DLG5: variants seen among roughly 807,000 people sequenced by gnomAD.
The protein encoded by DLG5 is disks large homolog 5.
DLG5 carries 48 observed loss-of-function variants against 189.8 expected under a neutral mutation model. That is an observed-to-expected ratio of 0.25 (90% CI 0.20 to 0.32). The LOEUF is 0.32. Among genes scored for constraint, DLG5 ranks in the 10% least tolerant of loss-of-function variants. The pLI is 1.00. For synonymous variants in DLG5, 1,016 were observed against 1,054.1 expected, an observed-to-expected ratio of 0.96 and a Z score of 0.70; for missense variants, 2,160 against 2,544.7, an observed-to-expected ratio of 0.85 and a Z score of 3.25.
chr10:77,925,144 A>G (rs577442356), intron 1 of DLG5, among the ~76,000 whole-genome samples: 20 of 152,336 alleles, frequency 1.3e-4, no homozygotes, highest in African/African-American at 4.8e-4. Context: ...AACAAGTTAA[A>G]TCAAACAATA....
chr10:77,856,659 G>A (rs963337630), intron 3 of DLG5, 71 bp downstream of exon 3: 78 of 1,566,416 alleles, frequency 5.0e-5, no homozygotes, highest in Admixed American at 1.0e-4. Flanking sequence ...GTGTTTGGGG[G>A]TGACAGCACC....
chr10:77,850,897 T>G (rs1369644340), intron 5 of DLG5, among the ~76,000 whole-genome samples: 1 of 152,226 alleles, frequency 6.6e-6, no homozygotes, highest in Non-Finnish European at 1.5e-5. Context: ...TGGAGCCACA[T>G]ACACCTCTGA....
chr10:77,868,087 C>T (rs898237433), intron 2 of DLG5: 16 of 456,492 alleles, frequency 3.5e-5, no homozygotes, highest in Admixed American at 1.2e-4. Flanking sequence ...CTTCAGCCTG[C>T]GTGGCCTCAC....
intron 5 of DLG5, among the ~76,000 whole-genome samples, chr10:77,845,649 GAGAA>G (rs377235894): frequency 1.6e-4 from 24 of 151,336 alleles, no homozygotes; most frequent in African/African-American, 5.3e-4. Context: ...GAGAAAGAGA[GAGAA>G]AGAAAGGGAA....
At chr10:77,797,319 T>C (rs1310139796) in intron 27 of DLG5, among the ~76,000 whole-genome samples, 1 of 152,186 alleles carries the variant, frequency 6.6e-6, no homozygotes, top group East Asian at 1.9e-4. Context: ...GGAGACACAG[T>C]CTAAAACCCA....
chr10:77,795,354 T>A lies in DLG5; in HGVS notation c.5437-396A>T, dbSNP rs377763004. On this transcript the variant is annotated intron_variant, in intron 29 of 31. Transcript: ENST00000372391. ...GGCTGAGACTGAAATATGTCTGTCA[T>A]GTCTGTCGTCCCAGGCATCCAGGTG... 1.4e-4 allele frequency among the ~76,000 whole-genome samples: 21 copies of A among 152,262 alleles called. 3 individuals carry two copies. The highest frequency in any genetic ancestry group is 7.8e-4 in the East Asian group (4 of 5,158).
chr10:77,830,460 A>G (rs756326376), intron 10 of DLG5, 116 bp from the exon 11 acceptor site: 19 of 1,473,300 alleles, frequency 1.3e-5, no homozygotes, highest in Non-Finnish European at 1.5e-5. Flanking sequence ...ACCTCATCTG[A>G]TAAGACACTC....
Position 77,822,040 on chromosome 10 carries a change from T to C in DLG5, c.2444A>G (p.Asp815Gly). Reference sequence around the variant, plus strand: ...ATGGGCTCGAAAACTCAGCATCTTATCAGAGTCTTTGATATTTTCAAAAAT... The same window carrying C: ...ATGGGCTCGAAAACTCAGCATCTTACCAGAGTCTTTGATATTTTCAAAAAT... ...QNIFENIKDS[D>G]KMLSFRAHGP... The change falls in exon 15 of 32, where the codon GAT becomes GGT. Residue 815 changes from aspartate to glycine, a missense_variant. Asp to Gly is a moderately conservative substitution (Grantham distance 94). Coordinates refer to ENST00000372391, the MANE Select transcript of DLG5 (RefSeq NM_004747.4). 1 of 1,614,168 alleles carries C rather than the reference T, an allele frequency of 6.2e-7. No individual in the cohort carries two copies. Among genetic ancestry groups the C allele is most frequent in the South Asian group, 1.1e-5 (1 of 91,080 alleles).
At chr10:77,820,142 T>C in intron 15 of DLG5, 124 bp from the exon 16 acceptor site, 1 of 1,343,546 alleles carries the variant, frequency 7.4e-7, no homozygotes. Context: ...GGTCAGGAGT[T>C]CAAGACCACC....
intron 1 of DLG5, among the ~76,000 whole-genome samples, chr10:77,903,165 C>T (rs1337466758): frequency 1.3e-5 from 2 of 152,054 alleles, no homozygotes; most frequent in Non-Finnish European, 2.9e-5. Context: ...CAGCGGCTCA[C>T]GCCTGTAATC....
chr10:77,904,561 A>C (rs1411035981), intron 1 of DLG5, among the ~76,000 whole-genome samples: 11 of 152,060 alleles, frequency 7.2e-5, no homozygotes. Context: ...GAGGTAACTG[A>C]ATCATAAGGG....
chr10:77,828,653 G>C (rs537502776), intron 13 of DLG5, among the ~76,000 whole-genome samples: 1 of 152,062 alleles, frequency 6.6e-6, no homozygotes, highest in African/African-American at 2.4e-5. Flanking sequence ...GTTATCTACA[G>C]GTGGTAGCAA....
At chr10:77,928,738 A>AT (rs1856309089), upstream of DLG5, 1 of 152,332 alleles carries the variant, frequency 6.6e-6, no homozygotes, top group African/African-American at 2.4e-5. Flanking sequence ...TTAGAAGCAT[A>AT]TTTTTTGGCC....
At chr10:77,900,587 G>T (rs1453744411) in intron 1 of DLG5, among the ~76,000 whole-genome samples, 1 of 152,036 alleles carries the variant, frequency 6.6e-6, no homozygotes, top group Non-Finnish European at 1.5e-5. Flanking sequence ...ATCACTTGAG[G>T]TCAGGAGTTT....
upstream of DLG5, chr10:77,928,115 C>T (rs564856644): frequency 2.0e-5 from 3 of 152,162 alleles, no homozygotes; most frequent in Non-Finnish European, 4.4e-5. Context: ...AGAATTTGCA[C>T]TTTGGACTTG....
chr10:77,816,433 A>G (rs1165806878), intron 20 of DLG5, 118 bp downstream of exon 20: 1 of 1,468,756 alleles, frequency 6.8e-7, no homozygotes, highest in African/African-American at 1.4e-5. Context: ...AAATGCTGGG[A>G]CACTCAAGCT....
chr10:77,809,013 C>T (rs1012031118), intron 24 of DLG5, among the ~76,000 whole-genome samples: 6 of 151,820 alleles, frequency 4.0e-5, no homozygotes, highest in East Asian at 1.9e-4. Context: ...GCAGGAGAAT[C>T]GCTTGAACCT....
At chr10:77,939,342 A>T in the DLG5 span, among the ~76,000 whole-genome samples, 1 of 152,160 alleles carries the variant, frequency 6.6e-6, no homozygotes, top group East Asian at 1.9e-4. Context: ...CCATGGGCCC[A>T]ATCAGACTCT....
chr10:77,857,820 A>G (rs1158867464), intron 2 of DLG5, among the ~76,000 whole-genome samples: 1 of 152,206 alleles, frequency 6.6e-6, no homozygotes, highest in Non-Finnish European at 1.5e-5. Flanking sequence ...AGAGGAGCTC[A>G]CAGCAACCAT....
Sources: allele counts gnomAD v4.1 joint callset (sites outside exome capture counted in the v4.1 genomes callset), GRCh38; gene constraint gnomAD v4.1.1; transcripts MANE v1.5; gene names NCBI Gene and HGNC (gene_info 2026-07-23, HGNC 2026-07-21).